Variants in GRM8 observed in about 807,000 individuals in gnomAD.
The protein encoded by GRM8 is glutamate metabotropic receptor 8.
A neutral mutation model predicts 87.2 loss-of-function variants in GRM8; 47 were observed. The observed-to-expected ratio is 0.54, with a 90% CI of 0.43 to 0.69. The LOEUF is 0.69. Among genes scored for constraint, GRM8 ranks in the 30% least tolerant of loss-of-function variants. GRM8 has a pLI of 0.00. For missense variants in GRM8, 1,019 were observed against 1,139.2 expected (o/e 0.89, Z 1.52); for synonymous variants, 396 against 404.5 (o/e 0.98, Z 0.25).
chr7:127,168,658 C>G (rs373749486), intron 2 of GRM8, among the ~76,000 whole-genome samples: 3 of 152,292 alleles, frequency 2.0e-5, no homozygotes, highest in East Asian at 3.9e-4. Context: ...CACATATACA[C>G]CATGGAATAC....
chr7:126,753,620 G>T (rs1175921287), intron 7 of GRM8, among the ~76,000 whole-genome samples: 1 of 151,662 alleles, frequency 6.6e-6, no homozygotes, highest in African/African-American at 2.4e-5. Flanking sequence ...ATTTTCCACT[G>T]AGTATTGAAA....
At position 126,692,274 on chromosome 7, in the gene GRM8, A is replaced by G. The variant is rs553557866; in HGVS notation, c.1357+77591T>C. 2.0e-5 allele frequency among the ~76,000 whole-genome samples: 3 copies of G among 152,356 alleles called. No homozygotes were observed. In the South Asian group the frequency reaches 6.2e-4, roughly 32 times the overall value. On this transcript the variant is annotated intron_variant, in intron 7 of 10. Transcript: ENST00000339582. ...CTTGAGTACCAGAATTTTAATTTTG[A>G]TACCACAACCTTTGAAATTCTACTA...
chr7:126,959,870 G>A (rs1170166628), intron 3 of GRM8, among the ~76,000 whole-genome samples: 1 of 152,068 alleles, frequency 6.6e-6, no homozygotes. Flanking sequence ...TAGCTGCATG[G>A]CACTGAATAA....
intron 7 of GRM8, among the ~76,000 whole-genome samples, chr7:126,674,171 G>C (rs573713991): frequency 4.3e-4 from 65 of 152,134 alleles, no homozygotes; most frequent in South Asian, 8.3e-4. Flanking sequence ...CCATACTCCA[G>C]CTCTACTGTA....
chr7:126,722,093 G>T (rs1461147229), intron 7 of GRM8, among the ~76,000 whole-genome samples: 2 of 152,082 alleles, frequency 1.3e-5, no homozygotes, highest in Non-Finnish European at 2.9e-5. Context: ...CATCAAATCT[G>T]CACGGACACT....
chr7:127,055,956 A>G (rs970650650), intron 3 of GRM8, among the ~76,000 whole-genome samples: 1 of 152,208 alleles, frequency 6.6e-6, no homozygotes, highest in Admixed American at 6.5e-5. Context: ...CAATTTCTCA[A>G]TGACCCATTC....
chr7:127,208,094 TA>T (rs1477531856), intron 2 of GRM8, among the ~76,000 whole-genome samples: 3 of 152,180 alleles, frequency 2.0e-5, no homozygotes, highest in African/African-American at 7.2e-5. Context: ...TTTCTCCTAA[TA>T]AGAGACCATG....
At chr7:126,772,548 G>C (rs1262168570) in intron 6 of GRM8, among the ~76,000 whole-genome samples, 1 of 152,158 alleles carries the variant, frequency 6.6e-6, no homozygotes, top group African/African-American at 2.4e-5. Flanking sequence ...GCAACCAGCT[G>C]AGTCTGTGGG....
intron 7 of GRM8, among the ~76,000 whole-genome samples, chr7:126,707,554 G>A (rs1810651950): frequency 6.6e-6 from 1 of 152,090 alleles, no homozygotes. Context: ...CTAGGCTCTA[G>A]AGTTTCAACG....
chr7:126,612,440 C>A (rs1362038644), intron 7 of GRM8, among the ~76,000 whole-genome samples: 1 of 152,136 alleles, frequency 6.6e-6, no homozygotes, highest in Non-Finnish European at 1.5e-5. Flanking sequence ...CTATATAATT[C>A]CTTCAAGATG....
chr7:127,171,704 T>C (rs530873981), intron 2 of GRM8, among the ~76,000 whole-genome samples: 4 of 152,364 alleles, frequency 2.6e-5, no homozygotes, highest in African/African-American at 7.2e-5. Context: ...ACATAACTTT[T>C]ATATAAACTG....
At chr7:126,531,458 C>A (rs1029877121) in intron 9 of GRM8, among the ~76,000 whole-genome samples, 1 of 152,204 alleles carries the variant, frequency 6.6e-6, no homozygotes, top group African/African-American at 2.4e-5. Context: ...GCTATATAGA[C>A]ACCCATAAAA....
rs183948867 is a variant in GRM8 at position 126,520,759 on chromosome 7, C to T, written c.2430+12193G>A. On this transcript the variant is annotated intron_variant, in intron 9 of 10. Transcript: ENST00000339582. ...AGAGAGGTGGAAACAGGTAATTTGA[C>T]GGCCTTCTTTGGAGACATGTACGTT... Among the ~76,000 whole-genome samples the T allele has an allele frequency of 8.4e-4, 128 of 152,190 alleles. 1 individual carries two copies. Among genetic ancestry groups the T allele is most frequent in the Middle Eastern group, 3.4e-3 (1 of 294 alleles).
intron 8 of GRM8, among the ~76,000 whole-genome samples, chr7:126,543,342 G>A (rs1816756367): frequency 6.6e-6 from 1 of 152,196 alleles, no homozygotes; most frequent in Non-Finnish European, 1.5e-5. Flanking sequence ...ATGTTGGCAT[G>A]TTTAAAAGAA....
chr7:126,713,329 A>C (rs532629500), intron 7 of GRM8, among the ~76,000 whole-genome samples: 1 of 151,988 alleles, frequency 6.6e-6, no homozygotes, highest in Non-Finnish European at 1.5e-5. Flanking sequence ...CATCATTCTC[A>C]GCAAACTAAC....
rs1473552862 is a variant in GRM8 at position 126,685,129 on chromosome 7, T to C, written c.1358-75631A>G. ...TACCCACTCCAGGCCCCGGCCCCGC[T>C]TGCCACTCTTGACAGCCACTGCTAT... On this transcript the variant is annotated intron_variant, in intron 7 of 10. Coordinates refer to ENST00000339582, the MANE Select transcript of GRM8 (RefSeq NM_000845.3). This position sits in a 1 kb window ranked among gnomAD's most constrained non-coding sequence, Gnocchi z 4.2. 6.6e-6 allele frequency among the ~76,000 whole-genome samples: 1 copy of C among 152,190 alleles called. No individual in the cohort carries two copies. Among genetic ancestry groups the C allele is most frequent in the Non-Finnish European group, 1.5e-5 (1 of 68,024 alleles).
intron 7 of GRM8, among the ~76,000 whole-genome samples, chr7:126,687,210 G>C (rs1808281832): frequency 1.3e-5 from 2 of 152,122 alleles, no homozygotes. Context: ...CTCTCCTCTT[G>C]ATAGCCACTC....
At chr7:126,827,518 C>T (rs137951474) in intron 6 of GRM8, among the ~76,000 whole-genome samples, 91,619 of 151,900 alleles carry the variant, frequency 0.6, 28,225 homozygotes, top group Non-Finnish European at 0.66. Context: ...CTCTATTGGT[C>T]TGTTATTGGT....
chr7:126,465,007 T>C (rs541619676), intron 9 of GRM8, among the ~76,000 whole-genome samples: 2 of 151,822 alleles, frequency 1.3e-5, no homozygotes, highest in South Asian at 4.1e-4. Context: ...ACTTTCAGAT[T>C]ATTTTTTCCT....
Sources: gnomAD v4.1 joint callset for allele counts (sites outside exome capture counted in the v4.1 genomes callset) on GRCh38, gnomAD v4.1.1 for gene constraint, Gnocchi (gnomAD v3.1) non-coding constraint, MANE v1.5 for transcripts, NCBI Gene and HGNC (gene_info 2026-07-23, HGNC 2026-07-21) for gene names.